Variants in PDLIM1 observed in about 807,000 individuals in gnomAD.
PDLIM1 encodes the protein PDZ and LIM domain protein 1.
In PDLIM1, 25 loss-of-function variants were observed where a neutral mutation model predicts 35.2. That is an observed-to-expected ratio of 0.71 (90% confidence interval 0.52 to 0.99). The LOEUF is 0.99. Ranked by LOEUF, PDLIM1 falls within the 50% of genes least tolerant of loss-of-function variation. The pLI is 0.00. For missense variants in PDLIM1, 363 were observed against 415.3 expected, an observed-to-expected ratio of 0.87 and a Z score of 1.09; for synonymous variants, 152 against 154.0, an observed-to-expected ratio of 0.99 and a Z score of 0.10.
At chr10:95,240,971 C>T (rs1390169323) in intron 5 of PDLIM1, among the ~76,000 whole-genome samples, 2 of 151,374 alleles carry the variant, frequency 1.3e-5, no homozygotes, top group Non-Finnish European at 3.0e-5. Context: ...GTTTCTGAGC[C>T]AGAAGGCCCA....
intron 1 of PDLIM1, among the ~76,000 whole-genome samples, chr10:95,289,701 AG>A (rs2133446668): frequency 6.6e-6 from 1 of 152,338 alleles, no homozygotes; most frequent in South Asian, 2.1e-4. Context: ...CCCAACCCCA[AG>A]TGAAAAAGAA....
intron 1 of PDLIM1, among the ~76,000 whole-genome samples, chr10:95,276,021 T>G (rs1292085013): frequency 6.6e-6 from 1 of 152,202 alleles, no homozygotes; most frequent in Non-Finnish European, 1.5e-5. Context: ...CTATCTTTTT[T>G]AGGGGAAAAA....
intron 1 of PDLIM1, among the ~76,000 whole-genome samples, chr10:95,278,558 T>C (rs1422069997): frequency 6.6e-6 from 1 of 151,474 alleles, no homozygotes; most frequent in Non-Finnish European, 1.5e-5. Context: ...GAGGTGCTGC[T>C]TAAAACTGTG....
chr10:95,271,788 G>GAAAAAA lies in PDLIM1; in HGVS notation c.97-10_97-5dup. The stretch of plus-strand genomic sequence containing the variant: ...CCGCCTTGCTTCCAGGAGTGACCTA[G>GAAAAAA]AAAAAAAGGGGAAAGCAGGCTAGTT... On this transcript the variant is annotated splice_region_variant and splice_polypyrimidine_tract_variant and intron_variant, in intron 1 of 6. Transcript: ENST00000329399. 1 of 1,601,786 alleles carries GAAAAAA rather than the reference G, an allele frequency of 6.2e-7. No individual in the cohort carries two copies. Among genetic ancestry groups the GAAAAAA allele is most frequent in the Non-Finnish European group, 8.5e-7 (1 of 1,176,450 alleles).
intron 5 of PDLIM1, among the ~76,000 whole-genome samples, chr10:95,244,418 G>C (rs1005757303): frequency 6.6e-6 from 1 of 152,228 alleles, no homozygotes; most frequent in Non-Finnish European, 1.5e-5. Context: ...GATCTGTGCA[G>C]AAACTAGAGC....
intron 1 of PDLIM1, among the ~76,000 whole-genome samples, chr10:95,284,503 G>A (rs1014401770): frequency 3.3e-5 from 5 of 152,156 alleles, no homozygotes; most frequent in Admixed American, 2.0e-4. Flanking sequence ...ACAGGTGCCT[G>A]CCACTACGCC....
intron 4 of PDLIM1, among the ~76,000 whole-genome samples, chr10:95,261,013 G>C (rs564681898): frequency 1.7e-4 from 26 of 152,222 alleles, no homozygotes; most frequent in Non-Finnish European, 3.2e-4. Context: ...CAGCCTCAAA[G>C]AGTGCGGGGT....
At chr10:95,271,914 T>C in intron 1 of PDLIM1, 130 bp from the exon 2 acceptor site, 4 of 756,492 alleles carry the variant, frequency 5.3e-6, no homozygotes, top group South Asian at 5.3e-5. Flanking sequence ...ATAGCTTAAA[T>C]AATAACAATC....
intron 4 of PDLIM1, among the ~76,000 whole-genome samples, chr10:95,262,123 G>A (rs1262972750): frequency 1.3e-5 from 2 of 152,174 alleles, no homozygotes; most frequent in African/African-American, 4.8e-5. Flanking sequence ...CTGGGGAGGG[G>A]AGGGGTGACT....
chr10:95,267,475 T>C (rs934495902), intron 3 of PDLIM1, among the ~76,000 whole-genome samples: 18 of 152,226 alleles, frequency 1.2e-4, no homozygotes, highest in African/African-American at 3.9e-4. Flanking sequence ...TGCCAGTGTA[T>C]AGACCAAGTG....
At chr10:95,261,691 C>CA (rs2035363121) in intron 4 of PDLIM1, among the ~76,000 whole-genome samples, 1 of 152,146 alleles carries the variant, frequency 6.6e-6, no homozygotes. Flanking sequence ...TCTGCCCTAC[C>CA]AGACTCAAAG....
chr10:95,240,457 C>T (rs111405972), intron 5 of PDLIM1, among the ~76,000 whole-genome samples: 157 of 152,252 alleles, frequency 1.0e-3, no homozygotes, highest in African/African-American at 3.5e-3. Context: ...CAGATGGACA[C>T]ATGGTGGAGG....
At chr10:95,242,954 T>C (rs2035190676) in intron 5 of PDLIM1, among the ~76,000 whole-genome samples, 1 of 149,788 alleles carries the variant, frequency 6.7e-6, no homozygotes, top group African/African-American at 2.4e-5. Context: ...CGGGCTCTCT[T>C]ATGCAATGGG....
intron 3 of PDLIM1, among the ~76,000 whole-genome samples, chr10:95,265,283 A>G (rs1220656989): frequency 1.3e-5 from 2 of 152,142 alleles, no homozygotes; most frequent in Non-Finnish European, 2.9e-5. Context: ...ACAACCTGAA[A>G]ATATTTTTAT....
chr10:95,275,404 G>A (rs2133436360), intron 1 of PDLIM1, among the ~76,000 whole-genome samples: 1 of 152,220 alleles, frequency 6.6e-6, no homozygotes, highest in East Asian at 1.9e-4. Context: ...CTGGGCAATG[G>A]GCAAGAATCC....
intron 4 of PDLIM1, among the ~76,000 whole-genome samples, chr10:95,255,045 T>C (rs45512199): frequency 0.013 from 1,942 of 151,732 alleles, 45 homozygotes; most frequent in African/African-American, 0.045. Context: ...CTAGAAGAAA[T>C]AGATAAATTC....
chr10:95,266,250 A>G (rs920141501), intron 3 of PDLIM1, among the ~76,000 whole-genome samples: 2 of 152,168 alleles, frequency 1.3e-5, no homozygotes, highest in Admixed American at 6.5e-5. Context: ...ACAAAACTTC[A>G]GCAGTTATCA....
intron 4 of PDLIM1, among the ~76,000 whole-genome samples, chr10:95,257,046 A>C (rs536885766): frequency 9.7e-6 from 1 of 103,388 alleles, no homozygotes; most frequent in East Asian, 3.3e-4. Flanking sequence ...AAGAATTCAA[A>C]ATAGATTAAA....
rs59292355 is a variant in PDLIM1 at position 95,255,900 on chromosome 10, TACACAC to T, written c.533+7958_533+7963del. ...GAAAACCCTAAAGATCCCCCCCCAC[TACACAC>T]ACACACACACACACACACACACACA... On this transcript the variant is annotated intron_variant, in intron 4 of 6. Transcript: ENST00000329399. 6.9e-4 allele frequency among the ~76,000 whole-genome samples: 96 copies of T among 138,962 alleles called. 1 individual carries two copies. The highest frequency in any genetic ancestry group is 2.1e-3 in the African/African-American group (78 of 37,534). 91.2% of individuals were successfully genotyped at this position (138,962 alleles called of 152,430 possible).
Sources: allele counts gnomAD v4.1 joint callset (sites outside exome capture counted in the v4.1 genomes callset), GRCh38; gene constraint gnomAD v4.1.1; transcripts MANE v1.5; gene names NCBI Gene and HGNC (gene_info 2026-07-23, HGNC 2026-07-21).